The following UNC5C variants were observed in gnomAD, a reference collection of about 807,000 sequenced individuals.
The protein encoded by UNC5C is netrin receptor UNC5C.
In UNC5C, 47 loss-of-function variants were observed where a neutral mutation model predicts 99.8. That is an observed-to-expected ratio of 0.47 (90% CI 0.37 to 0.60). UNC5C has a LOEUF of 0.60. Ranked by LOEUF, UNC5C falls within the 20% of genes least tolerant of loss-of-function variation. The probability of loss-of-function intolerance (pLI) is 0.00; values close to 1 mark genes in which losing one functional copy is unlikely to be tolerated. For missense variants in UNC5C, 1,062 were observed against 1,165.9 expected, an observed-to-expected ratio of 0.91 and a Z score of 1.30; for synonymous variants, 487 against 452.2, an observed-to-expected ratio of 1.08 and a Z score of -0.98.
Position 95,531,108 on chromosome 4 carries a change from G to A in UNC5C, c.124+17626C>T, listed in dbSNP as rs1722631663. ...TTTAATAGTATTTAGGTGTATGGAAGAAAGACTAAGTTAACTTGCATTAAT... is the reference window on the plus strand; with the variant it reads ...TTTAATAGTATTTAGGTGTATGGAAAAAAGACTAAGTTAACTTGCATTAAT... On this transcript the variant is annotated intron_variant, in intron 1 of 15. Coordinates refer to ENST00000453304, the MANE Select transcript of UNC5C (RefSeq NM_003728.4). Among the ~76,000 whole-genome samples, 4 of 152,324 alleles carry A rather than the reference G, an allele frequency of 2.6e-5. No homozygotes were observed. In the South Asian group the frequency reaches 8.3e-4, roughly 32 times the overall value.
chr4:95,170,091 T>C, intron 15 of UNC5C, 63 bp downstream of exon 15: 1 of 1,556,730 alleles, frequency 6.4e-7, no homozygotes, highest in African/African-American at 1.4e-5. Flanking sequence ...CTACGTCTAA[T>C]AGTTATCGGT....
chr4:95,178,129 A>G (rs1560715350), intron 14 of UNC5C, among the ~76,000 whole-genome samples: 3 of 152,302 alleles, frequency 2.0e-5, no homozygotes, highest in Middle Eastern at 3.4e-3. Flanking sequence ...CCACCACTTC[A>G]CAATCTAATC....
intron 4 of UNC5C, among the ~76,000 whole-genome samples, chr4:95,265,708 C>T (rs1404559348): frequency 6.6e-6 from 1 of 152,112 alleles, no homozygotes; most frequent in Non-Finnish European, 1.5e-5. Context: ...TGAAAACATA[C>T]AGTCAAAAAA....
chr4:95,394,651 C>CTGTGTGTGTG (rs10527279), intron 1 of UNC5C, among the ~76,000 whole-genome samples: 31,448 of 147,608 alleles, frequency 0.21, 3,958 homozygotes, highest in Non-Finnish European at 0.28. Context: ...AAGGTATTTG[C>CTGTGTGTGTG]TGTGTGTGTG....
intron 12 of UNC5C, 108 bp downstream of exon 12, chr4:95,202,623 A>G: frequency 9.2e-7 from 1 of 1,090,778 alleles, no homozygotes; most frequent in South Asian, 1.5e-5. Context: ...ACACGTGTCC[A>G]CACACTTGGG....
intron 3 of UNC5C, among the ~76,000 whole-genome samples, chr4:95,294,368 G>A (rs1393702374): frequency 1.3e-5 from 2 of 152,090 alleles, no homozygotes; most frequent in African/African-American, 2.4e-5. Flanking sequence ...AAGCCAGGAG[G>A]GGCCACCTTG....
chr4:95,534,746 C>G (rs540549579), intron 1 of UNC5C, among the ~76,000 whole-genome samples: 107 of 152,132 alleles, frequency 7.0e-4, no homozygotes, highest in Non-Finnish European at 9.1e-4. Context: ...ATGTGTCAGT[C>G]AAAACATATA....
chr4:95,494,347 G>A (rs748707910), intron 1 of UNC5C, among the ~76,000 whole-genome samples: 11 of 151,480 alleles, frequency 7.3e-5, no homozygotes, highest in Non-Finnish European at 1.5e-4. Context: ...ATGGCAACTT[G>A]TTATTCATTC....
intron 1 of UNC5C, among the ~76,000 whole-genome samples, chr4:95,417,530 A>T (rs1156563634): frequency 6.6e-6 from 1 of 152,212 alleles, no homozygotes; most frequent in African/African-American, 2.4e-5. Context: ...ATTGATTAAA[A>T]ACCAATTTAG....
intron 1 of UNC5C, among the ~76,000 whole-genome samples, chr4:95,483,842 G>T (rs1455158657): frequency 1.3e-5 from 2 of 151,788 alleles, no homozygotes; most frequent in African/African-American, 2.4e-5. Context: ...AAGAAAGTAA[G>T]TTCCTCCAGT....
chr4:95,297,077 ATG>A (rs1430886717), intron 3 of UNC5C, among the ~76,000 whole-genome samples: 1 of 152,108 alleles, frequency 6.6e-6, no homozygotes, highest in Non-Finnish European at 1.5e-5. Flanking sequence ...TGACTAGTCT[ATG>A]TAGGGGAATA....
At chr4:95,453,022 C>A (rs952453929) in intron 1 of UNC5C, among the ~76,000 whole-genome samples, 7 of 152,066 alleles carry the variant, frequency 4.6e-5, no homozygotes, top group Non-Finnish European at 1.0e-4. Flanking sequence ...CTATTCCATG[C>A]AAAATAATCA....
chr4:95,187,078 A>G (rs1045324356), intron 12 of UNC5C, among the ~76,000 whole-genome samples: 4 of 152,338 alleles, frequency 2.6e-5, no homozygotes, highest in African/African-American at 9.6e-5. Flanking sequence ...CTTCTGCTTC[A>G]GCAGGAAGGC....
chr4:95,205,503 T>C (rs2149361822), intron 11 of UNC5C, among the ~76,000 whole-genome samples: 1 of 152,234 alleles, frequency 6.6e-6, no homozygotes, highest in South Asian at 2.1e-4. Context: ...CTGGTACTCG[T>C]CTACATCTAA....
chr4:95,312,367 G>A (rs1288449098), intron 2 of UNC5C, among the ~76,000 whole-genome samples: 2 of 152,124 alleles, frequency 1.3e-5, no homozygotes, highest in Admixed American at 6.6e-5. Flanking sequence ...GTTAATATAT[G>A]TTAAATAAGT....
At chr4:95,341,502 A>AGG (rs1553964889) in intron 1 of UNC5C, among the ~76,000 whole-genome samples, 2 of 35,946 alleles carry the variant, frequency 5.6e-5, no homozygotes, top group Non-Finnish European at 2.1e-4. Context: ...GAAAGAAGAA[A>AGG]GAGAGAGAAA....
rs1405929242 is a variant in UNC5C, at chr4:95,164,524, A to C, written c.*4710T>G. 1.3e-5 allele frequency: 2 copies of C among 152,234 alleles called. No homozygotes were observed. Among genetic ancestry groups the C allele is most frequent in the African/African-American group, 4.8e-5 (2 of 41,472 alleles). 9.4% of individuals were successfully genotyped at this position (152,234 alleles called of 1,614,324 possible). On this transcript the variant is annotated 3_prime_UTR_variant, in exon 16 of 16. Coordinates refer to ENST00000453304, the MANE Select transcript of UNC5C (RefSeq NM_003728.4). ...TATATAAAAATAATACAAAAAGAAA[A>C]ATAAAAGCCAAAGAGTAATAGTTGG...
intron 1 of UNC5C, among the ~76,000 whole-genome samples, chr4:95,383,623 G>A (rs1387462828): frequency 6.6e-6 from 1 of 152,050 alleles, no homozygotes; most frequent in Non-Finnish European, 1.5e-5. Flanking sequence ...CAGCAAACCA[G>A]GGAGATTTCC....
rs1389635313 is a variant in UNC5C at position 95,174,317 on chromosome 4, C to A, written c.2452-3985G>T. On this transcript the variant is annotated intron_variant, in intron 14 of 15. Coordinates refer to ENST00000453304, the MANE Select transcript of UNC5C (RefSeq NM_003728.4). ...TGTGTTTGCTCTTGCTTTTCTAGTTCTTTTAATTGTGATGTTAGGGTGTCA... is the reference window on the plus strand; with the variant it reads ...TGTGTTTGCTCTTGCTTTTCTAGTTATTTTAATTGTGATGTTAGGGTGTCA... 2.1e-4 allele frequency among the ~76,000 whole-genome samples: 32 copies of A among 152,046 alleles called. No individual in the cohort carries two copies. The East Asian group carries it at 3.9e-3, about 18-fold the overall frequency.
Sources: gnomAD v4.1 joint callset for allele counts (sites outside exome capture counted in the v4.1 genomes callset) on GRCh38, gnomAD v4.1.1 for gene constraint, MANE v1.5 for transcripts, NCBI Gene and HGNC (gene_info 2026-07-23, HGNC 2026-07-21) for gene names.